Variants in RBFOX1 observed in about 807,000 individuals in gnomAD.
The protein encoded by RBFOX1 is RNA binding protein fox-1 homolog 1.
Under a neutral mutation model 57.7 loss-of-function variants are expected in RBFOX1, and 8 were observed. That is an observed-to-expected ratio of 0.14 (90% CI 0.08 to 0.25). The LOEUF is 0.25. Among genes scored for constraint, RBFOX1 ranks in the 10% least tolerant of loss-of-function variants. The pLI is 1.00. For missense variants in RBFOX1, 611 were observed against 548.5 expected (o/e 1.11, Z -1.14); for synonymous variants, 326 against 222.4 (o/e 1.47, Z -4.15).
intron 3 of RBFOX1, among the ~76,000 whole-genome samples, chr16:6,976,773 CAT>C (rs1453021295): frequency 4.8e-4 from 53 of 110,734 alleles, no homozygotes; most frequent in African/African-American, 1.2e-3. Context: ...TATCGTATGA[CAT>C]ATCAATATAT....
At chr16:6,079,322 T>C (rs1439584736) in intron 1 of RBFOX1, among the ~76,000 whole-genome samples, 1 of 151,354 alleles carries the variant, frequency 6.6e-6, no homozygotes, top group Admixed American at 6.6e-5. Flanking sequence ...AAAAATAAAA[T>C]AAATAGGGAG....
chr16:7,678,969 T>C (rs1028917048), intron 14 of RBFOX1, among the ~76,000 whole-genome samples: 3 of 152,208 alleles, frequency 2.0e-5, no homozygotes, highest in Non-Finnish European at 2.9e-5. Flanking sequence ...AATTGGCCTC[T>C]TGTTGTTCAT....
intron 2 of RBFOX1, among the ~76,000 whole-genome samples, chr16:6,336,181 ATTTTTTTTTTTTTTTTT>A (rs1156246510): frequency 1.2e-3 from 33 of 27,000 alleles, no homozygotes; most frequent in African/African-American, 4.0e-3. Flanking sequence ...ATATATATAT[ATTTTTTTTTTTTTTTTT>A]TTTTTTTTTT....
chr16:5,407,054 G>A (rs571536555), intron 1 of RBFOX1, among the ~76,000 whole-genome samples: 1 of 152,312 alleles, frequency 6.6e-6, no homozygotes, highest in East Asian at 1.9e-4. Context: ...AGTTGACTCA[G>A]TTCCACCTGG....
At chr16:7,145,816 C>T (rs916747987) in intron 4 of RBFOX1, among the ~76,000 whole-genome samples, 3 of 152,194 alleles carry the variant, frequency 2.0e-5, no homozygotes, top group African/African-American at 7.2e-5. Flanking sequence ...TGTTCCCGCA[C>T]ACACACTACT....
intron 2 of RBFOX1, among the ~76,000 whole-genome samples, chr16:6,436,511 CT>C (rs61508952): frequency 0.1 from 10,581 of 103,392 alleles, 546 homozygotes; most frequent in African/African-American, 0.23. Context: ...TTTTTCTTCA[CT>C]TTTTTTTTTT....
At chr16:6,494,093 T>C (rs374042704) in intron 2 of RBFOX1, among the ~76,000 whole-genome samples, 1 of 152,334 alleles carries the variant, frequency 6.6e-6, no homozygotes, top group East Asian at 1.9e-4. Context: ...ATGTAGCATA[T>C]GCAGTTGTAA....
intron 3 of RBFOX1, among the ~76,000 whole-genome samples, chr16:7,010,862 C>A (rs2093622022): frequency 6.6e-6 from 1 of 152,210 alleles, no homozygotes. Flanking sequence ...TAGGCATGAG[C>A]CACTGCTCCC....
intron 1 of RBFOX1, among the ~76,000 whole-genome samples, chr16:6,256,026 A>G (rs921359095): frequency 6.6e-6 from 1 of 150,838 alleles, no homozygotes; most frequent in Non-Finnish European, 1.5e-5. Context: ...CACATTCTGC[A>G]TGTGTATCCC....
intron 4 of RBFOX1, among the ~76,000 whole-genome samples, chr16:7,225,616 A>G (rs1302121184): frequency 6.6e-6 from 1 of 151,970 alleles, no homozygotes; most frequent in Non-Finnish European, 1.5e-5. Flanking sequence ...TTACATTCAA[A>G]GATAACTAAG....
chr16:6,817,533 A>T (rs78271586), intron 3 of RBFOX1, among the ~76,000 whole-genome samples: 29 of 41,858 alleles, frequency 6.9e-4, no homozygotes, highest in African/African-American at 2.0e-3. Context: ...TTCTTTGCTT[A>T]AAAAAAAAAA....
At chr16:7,238,499 C>G (rs898594572) in intron 4 of RBFOX1, among the ~76,000 whole-genome samples, 1 of 149,080 alleles carries the variant, frequency 6.7e-6, no homozygotes. Flanking sequence ...GTACTTTTTC[C>G]TAGGTTACTC....
At chr16:6,863,904 T>C (rs538815101) in intron 3 of RBFOX1, among the ~76,000 whole-genome samples, 3 of 151,886 alleles carry the variant, frequency 2.0e-5, no homozygotes, top group East Asian at 3.9e-4. Flanking sequence ...TACCAATCCA[T>C]TGCCATTTGT....
Position 6,859,642 on chromosome 16 carries a change from C to T in RBFOX1, c.-15-192415C>T, listed in dbSNP as rs527517897. On this transcript the variant is annotated intron_variant, in intron 3 of 15. Coordinates refer to ENST00000550418, the MANE Select transcript of RBFOX1 (RefSeq NM_018723.4). ...CTCTGTGTCGATAACCTCCATGGAA[C>T]TGTGTTTGTGAGATACTCAATAATG... is the stretch of plus-strand genomic sequence containing the variant. Among the ~76,000 whole-genome samples the T allele has an allele frequency of 1.1e-4, 17 of 152,168 alleles. No individual in the cohort carries two copies. In the East Asian group the frequency reaches 3.3e-3, roughly 29 times the overall value.
At chr16:6,588,400 C>T (rs139794493) in intron 2 of RBFOX1, among the ~76,000 whole-genome samples, 1,566 of 152,168 alleles carry the variant, frequency 0.01, 23 homozygotes, top group African/African-American at 0.034. Flanking sequence ...CGCCTGTAAT[C>T]CCAGCAATTT....
intron 2 of RBFOX1, among the ~76,000 whole-genome samples, chr16:6,413,771 T>C (rs1462808080): frequency 6.6e-6 from 1 of 152,120 alleles, no homozygotes; most frequent in Non-Finnish European, 1.5e-5. Flanking sequence ...AATCAGGTAT[T>C]TCTCAGTCTC....
chr16:5,605,642 G>A (rs935847389), intron 3 of RBFOX1, among the ~76,000 whole-genome samples: 1 of 151,772 alleles, frequency 6.6e-6, no homozygotes, highest in Non-Finnish European at 1.5e-5. Flanking sequence ...TGGTGCCATT[G>A]ATGAGTAAGT....
chr16:5,667,429 G>C (rs575018507), intron 3 of RBFOX1, among the ~76,000 whole-genome samples: 161 of 152,292 alleles, frequency 1.1e-3, no homozygotes, highest in African/African-American at 3.6e-3. Context: ...TTTCTGTTTA[G>C]AAATATATTT....
intron 3 of RBFOX1, among the ~76,000 whole-genome samples, chr16:5,844,228 T>C (rs1298655460): frequency 1.3e-5 from 2 of 152,204 alleles, no homozygotes; most frequent in Non-Finnish European, 2.9e-5. Context: ...ATGTTTTTTT[T>C]CCACCAACCT....
Sources: gnomAD v4.1 joint callset for allele counts (sites outside exome capture counted in the v4.1 genomes callset) on GRCh38, gnomAD v4.1.1 for gene constraint, MANE v1.5 for transcripts, NCBI Gene and HGNC (gene_info 2026-07-23, HGNC 2026-07-21) for gene names.